The following MCPH1 variants were observed in gnomAD, a reference collection of about 807,000 sequenced individuals.
MCPH1 encodes microcephalin 1, also known as microcephalin.
A neutral mutation model predicts 84.5 loss-of-function variants in MCPH1; 104 were observed. The observed-to-expected ratio is 1.23, with a 90% confidence interval of 1.05 to 1.45. The LOEUF (loss-of-function observed/expected upper bound fraction) is 1.45, where lower values mean the gene tolerates loss of function less well. Among genes scored for constraint, MCPH1 ranks in the 40% most tolerant of loss-of-function variants. MCPH1 has a pLI of 0.00. For synonymous variants in MCPH1, 514 were observed against 366.8 expected, an observed-to-expected ratio of 1.40 and a Z score of -4.58; for missense variants, 1,498 against 1,005.7, an observed-to-expected ratio of 1.49 and a Z score of -6.62.
In MCPH1 at chr8:6,544,752, A is replaced by G. The variant is rs1280011830; in HGVS notation, c.2214+44823A>G. Among the ~76,000 whole-genome samples the G allele has an allele frequency of 2.6e-5, 4 of 152,348 alleles. No homozygotes were observed. The East Asian group carries it at 7.7e-4, about 29-fold the overall frequency. On this transcript the variant is annotated intron_variant, in intron 12 of 13. Transcript: ENST00000344683. Reference sequence around the variant, plus strand: ...AGATAAAGACACAGATACAGCATTTAGAGTTACACTTTGCCATAAAAGAGC... The same window carrying G: ...AGATAAAGACACAGATACAGCATTTGGAGTTACACTTTGCCATAAAAGAGC...
chr8:6,592,457 ATC>A (rs10565405), intron 12 of MCPH1, among the ~76,000 whole-genome samples: 3,192 of 152,146 alleles, frequency 0.021, 112 homozygotes, highest in African/African-American at 0.073. Flanking sequence ...CATAAATTAA[ATC>A]TTGTAACTAT....
At chr8:6,513,895 A>C in intron 12 of MCPH1, 1 of 1,524,390 alleles carries the variant, frequency 6.6e-7, no homozygotes, top group Non-Finnish European at 8.9e-7. Context: ...TTTTCTTTGT[A>C]TATTTGAAGT....
At chr8:6,470,558 T>C (rs770217559) in intron 9 of MCPH1, among the ~76,000 whole-genome samples, 1 of 152,240 alleles carries the variant, frequency 6.6e-6, no homozygotes, top group African/African-American at 2.4e-5. Context: ...GTGCTGGGAT[T>C]ACAGATGTGA....
chr8:6,445,872 T>C, intron 8 of MCPH1: 1 of 1,066,728 alleles, frequency 9.4e-7, no homozygotes, highest in Non-Finnish European at 1.1e-6. Flanking sequence ...CATTGGAGTC[T>C]TGGCGCTGCA....
intron 3 of MCPH1, among the ~76,000 whole-genome samples, chr8:6,422,997 A>G (rs1235908014): frequency 4.0e-5 from 6 of 149,064 alleles, no homozygotes; most frequent in Admixed American, 4.0e-4. Flanking sequence ...CAATTTTTAT[A>G]TTTTTAGGAG....
At chr8:6,513,426 G>A (rs554878584) in intron 12 of MCPH1, among the ~76,000 whole-genome samples, 7 of 150,208 alleles carry the variant, frequency 4.7e-5, no homozygotes, top group African/African-American at 1.2e-4. Context: ...TCCGCCTCCC[G>A]GGTTCACGCC....
chr8:6,646,324 G>T lies in MCPH1; in HGVS notation c.*3275G>T, dbSNP rs1195486142. On this transcript the variant is annotated 3_prime_UTR_variant, in exon 14 of 14. Coordinates refer to ENST00000344683, the MANE Select transcript of MCPH1 (RefSeq NM_024596.5). ...ACCTGTAATCTCAGTTACTCAGGAG[G>T]CTGAAGCAGAATAGCTTGAACCCAA... The T allele has an allele frequency of 6.6e-6, 1 of 152,154 alleles. No individual in the cohort carries two copies. 9.4% of individuals were successfully genotyped at this position (152,154 alleles called of 1,614,324 possible). A position where few individuals can be genotyped will look rare whatever the true frequency, so the allele number is the denominator to read the frequency against.
At chr8:6,589,966 G>C (rs897496280) in intron 12 of MCPH1, among the ~76,000 whole-genome samples, 13 of 152,146 alleles carry the variant, frequency 8.5e-5, no homozygotes, top group African/African-American at 2.7e-4. Flanking sequence ...GTATCTAAAA[G>C]ACATGCATTA....
chr8:6,470,344 C>T (rs867412315), intron 9 of MCPH1, among the ~76,000 whole-genome samples: 1 of 152,036 alleles, frequency 6.6e-6, no homozygotes, highest in South Asian at 2.1e-4. Context: ...AGTGCAGTGG[C>T]GCGATCTCCG....
intron 12 of MCPH1, among the ~76,000 whole-genome samples, chr8:6,599,162 C>T (rs906871518): frequency 3.9e-5 from 6 of 152,174 alleles, no homozygotes; most frequent in African/African-American, 1.4e-4. Context: ...TTCCTAATCT[C>T]AGTATCTTAA....
chr8:6,491,002 A>G lies in MCPH1; in HGVS notation c.2137-8850A>G, dbSNP rs537172945. 3.0e-3 allele frequency among the ~76,000 whole-genome samples: 449 copies of G among 149,126 alleles called. 1 individual carries two copies. The highest frequency in any genetic ancestry group is 0.011 in the African/African-American group (433 of 41,156). On this transcript the variant is annotated intron_variant, in intron 11 of 13. Coordinates refer to ENST00000344683, the MANE Select transcript of MCPH1 (RefSeq NM_024596.5). ...CAATTATTTAATATTAATATTAAAT[A>G]CTTAATATTAAATTTTTAGAATATT...
intron 10 of MCPH1, among the ~76,000 whole-genome samples, chr8:6,478,107 T>C (rs1563263248): frequency 6.6e-6 from 1 of 152,236 alleles, no homozygotes; most frequent in African/African-American, 2.4e-5. Flanking sequence ...TACAGTGCTA[T>C]ATTCTTTGCA....
At chr8:6,589,249 T>A (rs1828251823) in intron 12 of MCPH1, among the ~76,000 whole-genome samples, 1 of 152,136 alleles carries the variant, frequency 6.6e-6, no homozygotes, top group Non-Finnish European at 1.5e-5. Flanking sequence ...TTAAGTTTTC[T>A]TTTATTTTTT....
intron 12 of MCPH1, among the ~76,000 whole-genome samples, chr8:6,522,247 C>G (rs1201991840): frequency 6.6e-6 from 1 of 152,048 alleles, no homozygotes; most frequent in Non-Finnish European, 1.5e-5. Context: ...CACAGCTACT[C>G]TGGAGGCTGA....
At chr8:6,624,692 TTC>T (rs1831873599) in intron 13 of MCPH1, among the ~76,000 whole-genome samples, 1 of 152,216 alleles carries the variant, frequency 6.6e-6, no homozygotes, top group South Asian at 2.1e-4. Context: ...TTTTGTATTT[TTC>T]TCTTTGTGAA....
chr8:6,446,363 G>T, intron 8 of MCPH1: 1 of 984,598 alleles, frequency 1.0e-6, no homozygotes, highest in Non-Finnish European at 1.2e-6. Flanking sequence ...TGATTTCTCT[G>T]CTCTACAAAT....
chr8:6,642,621 T>C (rs943058882), intron 13 of MCPH1: 2 of 371,920 alleles, frequency 5.4e-6, no homozygotes, highest in South Asian at 2.4e-5. Context: ...CTCTGCCTTA[T>C]GCCAAGAGTA....
chr8:6,464,573 C>T (rs1806642715), intron 9 of MCPH1, among the ~76,000 whole-genome samples: 1 of 152,286 alleles, frequency 6.6e-6, no homozygotes, highest in South Asian at 2.1e-4. Flanking sequence ...TGAGGACCAG[C>T]CAGGGTGGAT....
intron 12 of MCPH1, chr8:6,620,191 A>G (rs1831265910): frequency 6.6e-6 from 1 of 152,292 alleles, no homozygotes. Context: ...CCTGCAAGGC[A>G]CATGAAAGCT....
Sources: gnomAD v4.1 joint callset for allele counts (sites outside exome capture counted in the v4.1 genomes callset) on GRCh38, gnomAD v4.1.1 for gene constraint, MANE v1.5 for transcripts, NCBI Gene and HGNC (gene_info 2026-07-23, HGNC 2026-07-21) for gene names.